Variants in ST6GALNAC3 observed in about 807,000 individuals in gnomAD.
The protein encoded by ST6GALNAC3 is ST6 N-acetylgalactosaminide alpha-2,6-sialyltransferase 3.
ST6GALNAC3 carries 25 observed loss-of-function variants against 32.7 expected under a neutral mutation model. That is an observed-to-expected ratio of 0.76 (90% CI 0.56 to 1.07). The LOEUF is 1.07. Among genes scored for constraint, ST6GALNAC3 ranks in the 50% least tolerant of loss-of-function variants. The pLI is 0.00. For missense variants in ST6GALNAC3, 355 were observed against 382.4 expected (o/e 0.93, Z 0.60); for synonymous variants, 129 against 133.1 (o/e 0.97, Z 0.21).
intron 3 of ST6GALNAC3, among the ~76,000 whole-genome samples, chr1:76,602,595 A>G (rs1390137377): frequency 6.6e-6 from 1 of 152,124 alleles, no homozygotes; most frequent in Non-Finnish European, 1.5e-5. Context: ...AAAAAATCTT[A>G]AATTTGATAG....
intron 1 of ST6GALNAC3, among the ~76,000 whole-genome samples, chr1:76,103,106 GTT>G (rs1158505318): frequency 4.4e-5 from 6 of 136,186 alleles, no homozygotes; most frequent in South Asian, 2.4e-4. Context: ...CTGATTTTTA[GTT>G]TTTTTTTTTT....
At chr1:76,246,231 C>G (rs994066508) in intron 1 of ST6GALNAC3, among the ~76,000 whole-genome samples, 4 of 152,092 alleles carry the variant, frequency 2.6e-5, no homozygotes, top group Non-Finnish European at 4.4e-5. Context: ...GATTGCAACT[C>G]CTGCTTTTTT....
intron 2 of ST6GALNAC3, among the ~76,000 whole-genome samples, chr1:76,332,956 C>T (rs1268183989): frequency 1.3e-5 from 2 of 152,024 alleles, no homozygotes; most frequent in African/African-American, 4.8e-5. Context: ...ACCAGAACAC[C>T]TATAGCAATT....
chr1:76,565,532 T>C (rs547258904), intron 3 of ST6GALNAC3, among the ~76,000 whole-genome samples: 84 of 152,288 alleles, frequency 5.5e-4, no homozygotes, highest in Non-Finnish European at 1.0e-3. Flanking sequence ...CATCTCCTTC[T>C]TACTGGGTCA....
Position 76,482,139 on chromosome 1 carries a change from T to TACAC in ST6GALNAC3, c.623+69748_623+69751dup, listed in dbSNP as rs368648490. On this transcript the variant is annotated intron_variant, in intron 3 of 4. Transcript: ENST00000328299. ...AAAGAGAATTTTAACAAATTTTCTT[T>TACAC]ACACACACACACACACACACACACA... 9.6e-3 allele frequency among the ~76,000 whole-genome samples: 1,419 copies of TACAC among 147,118 alleles called. 21 individuals are homozygous for TACAC. Among genetic ancestry groups the TACAC allele is most frequent in the African/African-American group, 0.033 (1,325 of 40,250 alleles).
intron 3 of ST6GALNAC3, among the ~76,000 whole-genome samples, chr1:76,424,404 A>G (rs929879087): frequency 6.6e-6 from 1 of 151,866 alleles, no homozygotes; most frequent in Non-Finnish European, 1.5e-5. Flanking sequence ...TAGCAGGTGG[A>G]TTCTTGGTGG....
rs1655775575 is a variant in ST6GALNAC3, at chr1:76,221,620, A to G, written c.19-92185A>G. Among the ~76,000 whole-genome samples, 3 of 152,152 alleles carry G rather than the reference A, an allele frequency of 2.0e-5. No individual in the cohort carries two copies. In the South Asian group the frequency reaches 6.2e-4, roughly 32 times the overall value. Reference sequence around the variant, plus strand: ...CATAGTCCCATGCCTCAGTGATTCAACAATCAGGCTCTCTTACCCTATTTT... The same window carrying G: ...CATAGTCCCATGCCTCAGTGATTCAGCAATCAGGCTCTCTTACCCTATTTT... On this transcript the variant is annotated intron_variant, in intron 1 of 4. Coordinates refer to ENST00000328299, the MANE Select transcript of ST6GALNAC3 (RefSeq NM_152996.4).
At chr1:76,312,962 TTC>T (rs1443106508) in intron 1 of ST6GALNAC3, among the ~76,000 whole-genome samples, 7 of 152,184 alleles carry the variant, frequency 4.6e-5, no homozygotes, top group African/African-American at 1.7e-4. Flanking sequence ...CATCTTTGCT[TTC>T]TCTCTTCTCA....
intron 3 of ST6GALNAC3, among the ~76,000 whole-genome samples, chr1:76,472,094 C>T (rs546458070): frequency 1.6e-4 from 25 of 152,238 alleles, no homozygotes; most frequent in African/African-American, 5.3e-4. Flanking sequence ...TACAATAGAA[C>T]ATCTTGCCTT....
chr1:76,126,086 G>A (rs373945608), intron 1 of ST6GALNAC3, among the ~76,000 whole-genome samples: 1 of 152,254 alleles, frequency 6.6e-6, no homozygotes, highest in East Asian at 1.9e-4. Context: ...AGATAGTATA[G>A]GGCCTCATTT....
In ST6GALNAC3 at chr1:76,198,419, A is replaced by C. The variant is rs547383879; in HGVS notation, c.19-115386A>C. Among the ~76,000 whole-genome samples the C allele has an allele frequency of 5.3e-5, 8 of 152,340 alleles. No individual in the cohort carries two copies. In the East Asian group the frequency reaches 1.4e-3, roughly 26 times the overall value. ...CTAACCAGATTTATACCTTTTGGACATTCATTTATAGTAACAGTATGGAAA... is the reference window on the plus strand; with the variant it reads ...CTAACCAGATTTATACCTTTTGGACCTTCATTTATAGTAACAGTATGGAAA... On this transcript the variant is annotated intron_variant, in intron 1 of 4. Coordinates refer to ENST00000328299, the MANE Select transcript of ST6GALNAC3 (RefSeq NM_152996.4).
rs571640902 is a variant in ST6GALNAC3 at position 76,571,905 on chromosome 1, A to T, written c.624-55547A>T. ...ATACCCTATTAAGAAAAAAGGGTGA[A>T]TTTTCCTGTGCTCTCTTATAGCAAT... On this transcript the variant is annotated intron_variant, in intron 3 of 4. Transcript: ENST00000328299. Among the ~76,000 whole-genome samples, 460 of 152,094 alleles carry T rather than the reference A, an allele frequency of 3.0e-3. 4 individuals are homozygous for T. The highest frequency in any genetic ancestry group is 4.8e-3 in the Non-Finnish European group (326 of 67,956).
chr1:76,199,680 A>G (rs1320142390), intron 1 of ST6GALNAC3, among the ~76,000 whole-genome samples: 3 of 152,222 alleles, frequency 2.0e-5, no homozygotes, highest in African/African-American at 4.8e-5. Context: ...TCCTGTGGCC[A>G]TATGCTAATT....
At chr1:76,563,166 G>A (rs1665345452) in intron 3 of ST6GALNAC3, among the ~76,000 whole-genome samples, 1 of 152,170 alleles carries the variant, frequency 6.6e-6, no homozygotes, top group South Asian at 2.1e-4. Context: ...TGGCACTATA[G>A]CTGTATCAGA....
chr1:76,102,829 T>C (rs1647281947), intron 1 of ST6GALNAC3, among the ~76,000 whole-genome samples: 1 of 152,048 alleles, frequency 6.6e-6, no homozygotes, highest in African/African-American at 2.4e-5. Context: ...TATTTATCTT[T>C]CATCTGGGAG....
At chr1:76,399,125 A>G (rs1375124585) in intron 2 of ST6GALNAC3, among the ~76,000 whole-genome samples, 1 of 152,084 alleles carries the variant, frequency 6.6e-6, no homozygotes, top group Admixed American at 6.6e-5. Flanking sequence ...AACCCTTCCT[A>G]TGATTGTGTT....
At chr1:76,105,332 C>T (rs1262989601) in intron 1 of ST6GALNAC3, among the ~76,000 whole-genome samples, 1 of 152,198 alleles carries the variant, frequency 6.6e-6, no homozygotes, top group Non-Finnish European at 1.5e-5. Flanking sequence ...AAGACTTCTG[C>T]CTTGGTTACT....
chr1:76,113,277 G>C (rs1042349965), intron 1 of ST6GALNAC3, among the ~76,000 whole-genome samples: 1 of 148,550 alleles, frequency 6.7e-6, no homozygotes, highest in African/African-American at 2.5e-5. Context: ...GCAGTGAGCC[G>C]AGATGGCAGC....
At chr1:76,320,984 A>ATT (rs1553178937) in intron 2 of ST6GALNAC3, among the ~76,000 whole-genome samples, 12 of 151,082 alleles carry the variant, frequency 7.9e-5, no homozygotes, top group Middle Eastern at 3.4e-3. Context: ...ACACACACAC[A>ATT]TTATATATAT....
Sources: gnomAD v4.1 joint callset for allele counts (sites outside exome capture counted in the v4.1 genomes callset) on GRCh38, gnomAD v4.1.1 for gene constraint, MANE v1.5 for transcripts, NCBI Gene and HGNC (gene_info 2026-07-23, HGNC 2026-07-21) for gene names.